FAM20B: variants seen among roughly 807,000 people sequenced by gnomAD.
The protein encoded by FAM20B is FAM20B glycosaminoglycan xylosylkinase.
In FAM20B, 23 loss-of-function variants were observed where a neutral mutation model predicts 43.8. That is an observed-to-expected ratio of 0.53 (90% CI 0.38 to 0.74). The LOEUF (loss-of-function observed/expected upper bound fraction) is 0.74. FAM20B is among the 30% of genes least tolerant of loss of function. The probability of loss-of-function intolerance (pLI) is 0.00; values close to 1 mark genes in which losing one functional copy is unlikely to be tolerated. For missense variants in FAM20B, 440 were observed against 510.5 expected, an observed-to-expected ratio of 0.86 and a Z score of 1.33; for synonymous variants, 178 against 192.4, an observed-to-expected ratio of 0.93 and a Z score of 0.62.
chr1:179,042,145 C>G (rs1187034645), intron 1 of FAM20B, among the ~76,000 whole-genome samples: 1 of 152,234 alleles, frequency 6.6e-6, no homozygotes, highest in Non-Finnish European at 1.5e-5. Flanking sequence ...GCCCACTGGG[C>G]TCGTTCTACC....
chr1:179,019,711 CT>C, the FAM20B span, among the ~76,000 whole-genome samples: 2 of 152,156 alleles, frequency 1.3e-5, no homozygotes, highest in Non-Finnish European at 2.9e-5. Flanking sequence ...ATTTGCCCAC[CT>C]CAGCCTCCCA....
Position 179,074,842 on chromosome 1 carries a change from A to G in FAM20B, c.*2698A>G, listed in dbSNP as rs953067272. On this transcript the variant is annotated 3_prime_UTR_variant, in exon 8 of 8. Coordinates refer to ENST00000263733, the MANE Select transcript of FAM20B (RefSeq NM_014864.4). ...AGGCAAATCTTGGAGAAAACCAACCATAAACTTACAGCTCTAAAATTCAGA... is the reference window on the plus strand; with the variant it reads ...AGGCAAATCTTGGAGAAAACCAACCGTAAACTTACAGCTCTAAAATTCAGA... The G allele has an allele frequency of 1.1e-4, 17 of 152,232 alleles. No homozygotes were observed. The highest frequency in any genetic ancestry group is 4.1e-4 in the African/African-American group (17 of 41,470). The allele number at this position is 152,232 out of a possible 1,614,324, so 9.4% of individuals were successfully genotyped here.
intron 3 of FAM20B, among the ~76,000 whole-genome samples, chr1:179,053,232 T>C (rs73043692): frequency 0.017 from 2,525 of 152,212 alleles, 74 homozygotes; most frequent in African/African-American, 0.057. Flanking sequence ...ACATTGCCCC[T>C]CAATGCTAAA....
intron 7 of FAM20B, 70 bp from the exon 8 acceptor site, chr1:179,071,843 C>A: frequency 1.8e-6 from 2 of 1,082,044 alleles, no homozygotes; most frequent in Non-Finnish European, 1.4e-6. Context: ...TTTTGTCTGC[C>A]TAGCAGGCTT....
At position 179,050,280 on chromosome 1, in the gene FAM20B, T is replaced by C. The variant is rs1404577328; in HGVS notation, c.379T>C (p.Tyr127His). ...CTGTGCTTCCCATTCACTTTGCAGG[T>C]ATAGCCGAGACCATGTGGTGGAAGG... is the stretch of plus-strand genomic sequence containing the variant. ...GQKVVFKPKR[Y>H]SRDHVVEGEP... Residue 127 changes from tyrosine to histidine, a missense_variant and splice_region_variant, in exon 3 of 8, where the codon TAT becomes CAT. Transcript: ENST00000263733. The C allele has an allele frequency of 6.2e-7, 1 of 1,612,180 alleles. No homozygotes were observed. Among genetic ancestry groups the C allele is most frequent in the East Asian group, 2.2e-5 (1 of 44,868 alleles).
chr1:179,043,768 A>T lies in FAM20B; in HGVS notation c.-80A>T. 1 of 1,381,982 alleles carries T rather than the reference A, an allele frequency of 7.2e-7. No homozygotes were observed. The highest frequency in any genetic ancestry group is 9.9e-7 in the Non-Finnish European group (1 of 1,006,880). The allele number at this position is 1,381,982 out of a possible 1,614,324, so 85.6% of individuals were successfully genotyped here. ...ATGGACCAATGTGTATAATCATGGA[A>T]TCTCCTTGCTAACCATCACCACCAG... On this transcript the variant is annotated 5_prime_UTR_variant, in exon 2 of 8. Coordinates refer to ENST00000263733, the MANE Select transcript of FAM20B (RefSeq NM_014864.4).
At chr1:179,068,894 G>T (rs1651801826) in intron 7 of FAM20B, among the ~76,000 whole-genome samples, 1 of 152,206 alleles carries the variant, frequency 6.6e-6, no homozygotes, top group Admixed American at 6.5e-5. Context: ...TAGCAGAGAA[G>T]TTTGCTAGTT....
At chr1:179,025,429 T>A (rs1649711822), upstream of FAM20B, among the ~76,000 whole-genome samples, 1 of 152,106 alleles carries the variant, frequency 6.6e-6, no homozygotes. Flanking sequence ...TACATTTAGA[T>A]AGGCAGAAGT....
chr1:179,041,638 G>C (rs560017617), intron 1 of FAM20B, among the ~76,000 whole-genome samples: 2 of 136,518 alleles, frequency 1.5e-5, no homozygotes, highest in African/African-American at 2.8e-5. Flanking sequence ...GAGGGAGACC[G>C]TGGGGAGACG....
At chr1:179,037,968 CTG>C (rs1005210661) in intron 1 of FAM20B, among the ~76,000 whole-genome samples, 5 of 152,162 alleles carry the variant, frequency 3.3e-5, no homozygotes, top group Non-Finnish European at 7.3e-5. Flanking sequence ...AATTTTGGAA[CTG>C]TTAGAACTTC....
rs754953535 is a variant in FAM20B, at chr1:179,071,934, C to T, written c.1020C>T (p.Asn340=). Residue 340 remains asparagine, a synonymous_variant, in exon 8 of 8, where the codon AAC becomes AAT. Transcript: ENST00000263733. ...QCCIIRVSTW[N]RLNYLKNGVL... ...CCAGCATTCGGGTGTCCACCTGGAACAGACTGAACTACCTAAAGAATGGTG... is the reference window on the plus strand; with the variant it reads ...CCAGCATTCGGGTGTCCACCTGGAATAGACTGAACTACCTAAAGAATGGTG... 5.6e-6 allele frequency: 9 copies of T among 1,613,866 alleles called. No homozygotes were observed. The highest frequency in any genetic ancestry group is 6.8e-6 in the Non-Finnish European group (8 of 1,179,744).
chr1:179,027,759 AT>A, intron 1 of FAM20B, among the ~76,000 whole-genome samples: 1 of 152,226 alleles, frequency 6.6e-6, no homozygotes, highest in Admixed American at 6.5e-5. Flanking sequence ...GGTATGCTCT[AT>A]TCGTTTCTCT....
At position 179,072,344 on chromosome 1, in the gene FAM20B, G is replaced by A; in HGVS notation, c.*200G>A. On this transcript the variant is annotated 3_prime_UTR_variant, in exon 8 of 8. Transcript: ENST00000263733. ...AGTTTCAGAGCATGGAGACATTCCT[G>A]CTGAATCGCCTTCTCACCTCCTCGG... 1 of 575,560 alleles carries A rather than the reference G, an allele frequency of 1.7e-6. No homozygotes were observed. 35.7% of individuals were successfully genotyped at this position (575,560 alleles called of 1,614,324 possible).
intron 2 of FAM20B, among the ~76,000 whole-genome samples, chr1:179,045,576 A>G (rs1650730228): frequency 6.6e-6 from 1 of 152,194 alleles, no homozygotes. Flanking sequence ...GGAAATTAGG[A>G]AAGTTAAAAC....
chr1:179,071,882 A>G (rs764204346), intron 7 of FAM20B, 31 bp from the exon 8 acceptor site: 1 of 1,498,944 alleles, frequency 6.7e-7, no homozygotes, highest in Non-Finnish European at 9.3e-7. Context: ...GAGAAGTTTT[A>G]TGTACCTTGT....
At chr1:179,054,751 C>A in intron 4 of FAM20B, 113 bp downstream of exon 4, 1 of 543,548 alleles carries the variant, frequency 1.8e-6, no homozygotes, top group Non-Finnish European at 3.2e-6. Context: ...CAGTGGAATA[C>A]AAAAGCAAAT....
At chr1:179,065,032 A>C (rs1458624108) in intron 6 of FAM20B, among the ~76,000 whole-genome samples, 3 of 152,052 alleles carry the variant, frequency 2.0e-5, no homozygotes, top group African/African-American at 4.8e-5. Context: ...AAAAATGTTT[A>C]TTCATTTTGA....
At chr1:179,020,793 G>T in the FAM20B span, among the ~76,000 whole-genome samples, 1 of 152,176 alleles carries the variant, frequency 6.6e-6, no homozygotes, top group Admixed American at 6.5e-5. Context: ...CCTCTGGGCT[G>T]GGCACAATGG....
chr1:179,049,822 GT>G (rs1239440165), intron 2 of FAM20B, among the ~76,000 whole-genome samples: 1 of 152,216 alleles, frequency 6.6e-6, no homozygotes, highest in Non-Finnish European at 1.5e-5. Context: ...GATTACAGGT[GT>G]GAGCCACCGT....
Sources: gnomAD v4.1 joint callset for allele counts (sites outside exome capture counted in the v4.1 genomes callset) on GRCh38, gnomAD v4.1.1 for gene constraint, MANE v1.5 for transcripts, NCBI Gene and HGNC (gene_info 2026-07-23, HGNC 2026-07-21) for gene names.